HEATR5B: variants seen among roughly 807,000 people sequenced by gnomAD.
HEATR5B encodes the protein HEAT repeat containing 5B.
In HEATR5B, 156 loss-of-function variants were observed where a neutral mutation model predicts 224.1. That is an observed-to-expected ratio of 0.70 (90% CI 0.61 to 0.80). The LOEUF is 0.80. Among genes scored for constraint, HEATR5B ranks in the 30% least tolerant of loss-of-function variants. The pLI is 0.00. For missense variants in HEATR5B, 2,323 were observed against 2,535.5 expected (o/e 0.92, Z 1.80); for synonymous variants, 1,027 against 893.0 (o/e 1.15, Z -2.68).
At chr2:37,018,467 C>A (rs1668262789) in intron 26 of HEATR5B, among the ~76,000 whole-genome samples, 1 of 152,196 alleles carries the variant, frequency 6.6e-6, no homozygotes, top group Non-Finnish European at 1.5e-5. Flanking sequence ...CTCTTACCAA[C>A]AACGTTTCTT....
chr2:37,066,890 G>A (rs548009494), intron 8 of HEATR5B, among the ~76,000 whole-genome samples: 6 of 150,472 alleles, frequency 4.0e-5, no homozygotes, highest in African/African-American at 1.2e-4. Context: ...TTTTTTTTGA[G>A]ACAGAGTCTT....
At chr2:37,015,107 GA>G (rs1319849925) in intron 26 of HEATR5B, among the ~76,000 whole-genome samples, 1 of 152,206 alleles carries the variant, frequency 6.6e-6, no homozygotes, top group African/African-American at 2.4e-5. Context: ...ACAGACAAGG[GA>G]AAGATTAATT....
chr2:36,981,980 T>C (rs561895840), intron 35 of HEATR5B, among the ~76,000 whole-genome samples, 186 bp from the exon 36 acceptor site: 1 of 152,042 alleles, frequency 6.6e-6, no homozygotes, highest in Admixed American at 6.6e-5. Flanking sequence ...GGAAACCAGG[T>C]TTGTTAATAT....
Position 37,018,866 on chromosome 2 carries a change from T to C in HEATR5B, c.4104+943A>G, listed in dbSNP as rs12712524. Among the ~76,000 whole-genome samples, 1,098 of 152,038 alleles carry C rather than the reference T, an allele frequency of 7.2e-3. 17 individuals carry two copies. Among genetic ancestry groups the C allele is most frequent in the African/African-American group, 0.025 (1,050 of 41,454 alleles). On this transcript the variant is annotated intron_variant, in intron 26 of 35. Transcript: ENST00000233099. ...GAAACTGATTAAAGGAATAAGAAAA[T>C]ATGCATTTTTTGGGGCAGGGTGTGG... is the stretch of plus-strand genomic sequence containing the variant.
intron 33 of HEATR5B, among the ~76,000 whole-genome samples, chr2:36,998,462 T>C (rs758791626): frequency 1.3e-5 from 2 of 152,220 alleles, no homozygotes; most frequent in African/African-American, 4.8e-5. Context: ...CGTAAATTCA[T>C]GTAGCTATGT....
At chr2:37,032,872 ATGTTT>A (rs1471396053) in intron 21 of HEATR5B, 99 bp from the exon 22 acceptor site, 2 of 937,194 alleles carry the variant, frequency 2.1e-6, no homozygotes, top group Non-Finnish European at 1.5e-6. Context: ...ATACATATAT[ATGTTT>A]TGTTTTGTTT....
intron 10 of HEATR5B, among the ~76,000 whole-genome samples, chr2:37,063,121 G>A (rs1671383533): frequency 6.6e-6 from 1 of 152,160 alleles, no homozygotes; most frequent in African/African-American, 2.4e-5. Flanking sequence ...AATGGTAGAT[G>A]CATAATAGGA....
chr2:37,040,133 G>A (rs574781383), intron 20 of HEATR5B, among the ~76,000 whole-genome samples, 196 bp downstream of exon 20: 1 of 152,276 alleles, frequency 6.6e-6, no homozygotes, highest in South Asian at 2.1e-4. Flanking sequence ...ACATTATCAT[G>A]TCATAGGTTT....
At position 36,988,489 on chromosome 2, in the gene HEATR5B, T is replaced by C. The variant is rs543712320; in HGVS notation, c.5911+157A>G. Among the ~76,000 whole-genome samples, 6 of 152,296 alleles carry C rather than the reference T, an allele frequency of 3.9e-5. No individual in the cohort carries two copies. The South Asian group carries it at 1.0e-3, about 26-fold the overall frequency. ...GTTGGCCAGGATGGTCTCGATCTCC[T>C]GACCTCGTGATCCACCCACCTTGGC... is the stretch of plus-strand genomic sequence containing the variant. On this transcript the variant is annotated intron_variant, in intron 35 of 35. Transcript: ENST00000233099.
At position 37,076,987 on chromosome 2, in the gene HEATR5B, TC is replaced by T; in HGVS notation, c.370del (p.Glu124LysfsTer15). The T allele has an allele frequency of 6.2e-7, 1 of 1,614,196 alleles. No individual in the cohort carries two copies. Among genetic ancestry groups the T allele is most frequent in the Non-Finnish European group, 8.5e-7 (1 of 1,180,022 alleles). On this transcript the variant is annotated frameshift_variant, in exon 4 of 36. Coordinates refer to ENST00000233099, the MANE Select transcript of HEATR5B (RefSeq NM_019024.3). LOFTEE classifies it high-confidence loss of function. ...GCTGCCCAACATTCTCCCCATTTTT[TC>T]ATAAAATGCTCCGACACAAGCCACC... ...AAVACVGAFY[E>X]KMGRMLGSAF... is the part of the protein sequence containing the mutation.
At chr2:36,987,391 C>A (rs1345969672) in intron 35 of HEATR5B, among the ~76,000 whole-genome samples, 3 of 150,262 alleles carry the variant, frequency 2.0e-5, no homozygotes, top group Non-Finnish European at 4.4e-5. Flanking sequence ...ATCGTGCCAC[C>A]GCACTCCAGC....
In HEATR5B at chr2:37,002,449, C is replaced by G. The variant is rs139810783; in HGVS notation, c.5174G>C (p.Arg1725Pro). The G allele has an allele frequency of 1.2e-6, 2 of 1,614,156 alleles. No individual in the cohort carries two copies. The highest frequency in any genetic ancestry group is 1.7e-6 in the Non-Finnish European group (2 of 1,180,036). Residue 1725 changes from arginine to proline, a missense_variant, in exon 32 of 36, where the codon CGG (arginine) becomes CCG (proline). Arg to Pro is a moderately radical substitution (Grantham distance 103, BLOSUM62 -2). Coordinates refer to ENST00000233099, the MANE Select transcript of HEATR5B (RefSeq NM_019024.3). ...CTTGGTACTGAGATGTGGCATATGC[C>G]GTACTAAAATGAACATCAGCAGCTC... ...TMELLMFILV[R>P]HMPHLSTKVS...
chr2:37,068,502 TA>T (rs1195507649), intron 8 of HEATR5B, among the ~76,000 whole-genome samples, 178 bp downstream of exon 8: 1 of 152,116 alleles, frequency 6.6e-6, no homozygotes, highest in African/African-American at 2.4e-5. Flanking sequence ...CCCAAATCTT[TA>T]AAAACTCTAT....
At chr2:37,075,319 C>T (rs901310821) in intron 5 of HEATR5B, among the ~76,000 whole-genome samples, 166 bp downstream of exon 5, 3 of 151,994 alleles carry the variant, frequency 2.0e-5, no homozygotes, top group Admixed American at 6.6e-5. Context: ...TACACATACA[C>T]AAAAGTACAT....
chr2:37,012,792 C>T (rs1255763464), intron 27 of HEATR5B, among the ~76,000 whole-genome samples: 1 of 152,210 alleles, frequency 6.6e-6, no homozygotes, highest in Non-Finnish European at 1.5e-5. Context: ...ACTCTCATGC[C>T]TAACTGATAC....
chr2:37,057,000 C>T (rs1369110819), intron 15 of HEATR5B, among the ~76,000 whole-genome samples: 2 of 152,118 alleles, frequency 1.3e-5, no homozygotes, highest in African/African-American at 4.8e-5. Context: ...CATTCCTCTC[C>T]AACCTGTCAC....
chr2:37,030,025 G>C lies in HEATR5B; in HGVS notation c.3362-1105C>G, dbSNP rs112410032. Among the ~76,000 whole-genome samples the C allele has an allele frequency of 3.3e-3, 508 of 152,226 alleles. 1 individual carries two copies. The highest frequency in any genetic ancestry group is 0.012 in the African/African-American group (493 of 41,550). ...AACAACCAAAAAGCAATGTTGTCAT[G>C]AAATAGTGGTTAAATTTCTTGCTTC... On this transcript the variant is annotated intron_variant, in intron 22 of 35. Transcript: ENST00000233099.
At position 37,003,522 on chromosome 2, in the gene HEATR5B, G is replaced by C. The variant is rs979657590; in HGVS notation, c.5050+20C>G. On this transcript the variant is annotated intron_variant, in intron 31 of 35. Coordinates refer to ENST00000233099, the MANE Select transcript of HEATR5B (RefSeq NM_019024.3). ...ATAAAATAAGATTTACTTCAAGTTAGTGTAATTTCTAGTGCTTACTTAGAG... is the reference window on the plus strand; with the variant it reads ...ATAAAATAAGATTTACTTCAAGTTACTGTAATTTCTAGTGCTTACTTAGAG... 2.6e-6 allele frequency: 4 copies of C among 1,522,546 alleles called. No individual in the cohort carries two copies. The Admixed American group carries it at 7.5e-5, about 28-fold the overall frequency. 94.3% of individuals were successfully genotyped at this position (1,522,546 alleles called of 1,614,324 possible).
intron 22 of HEATR5B, among the ~76,000 whole-genome samples, chr2:37,032,225 A>T (rs191977476): frequency 2.0e-3 from 304 of 152,202 alleles, no homozygotes; most frequent in African/African-American, 6.9e-3. Flanking sequence ...AATTTTTTTT[A>T]AATCTAGTCA....
Sources: gnomAD v4.1 joint callset for allele counts (sites outside exome capture counted in the v4.1 genomes callset) on GRCh38, gnomAD v4.1.1 for gene constraint, MANE v1.5 for transcripts, NCBI Gene and HGNC (gene_info 2026-07-23, HGNC 2026-07-21) for gene names.